DCC: variants seen among roughly 807,000 people sequenced by gnomAD.
The protein encoded by DCC is DCC netrin 1 receptor.
A neutral mutation model predicts 172.5 loss-of-function variants in DCC; 58 were observed. The observed-to-expected ratio is 0.34, with a 90% CI of 0.27 to 0.42. The LOEUF (loss-of-function observed/expected upper bound fraction) is 0.42. Ranked by LOEUF, DCC falls within the 10% of genes least tolerant of loss-of-function variation. DCC has a pLI of 1.00. For missense variants in DCC, 1,740 were observed against 1,791.0 expected (o/e 0.97, Z 0.51); for synonymous variants, 709 against 644.5 (o/e 1.10, Z -1.52).
chr18:52,462,393 T>C (rs1474564209), intron 1 of DCC, among the ~76,000 whole-genome samples: 1 of 152,080 alleles, frequency 6.6e-6, no homozygotes, highest in East Asian at 1.9e-4. Context: ...CCATTTTATC[T>C]CCCAGCCCAC....
chr18:52,741,858 G>T (rs971154258), intron 1 of DCC, among the ~76,000 whole-genome samples: 1 of 152,114 alleles, frequency 6.6e-6, no homozygotes, highest in East Asian at 1.9e-4. Flanking sequence ...GTGATGAACT[G>T]AGGGTTTGCA....
At chr18:53,476,458 C>G (rs1281096278) in intron 25 of DCC, among the ~76,000 whole-genome samples, 2 of 152,122 alleles carry the variant, frequency 1.3e-5, no homozygotes, top group Admixed American at 1.3e-4. Context: ...GTGAATAAGT[C>G]TGACAAGATC....
At chr18:52,603,020 G>T (rs988641640) in intron 1 of DCC, among the ~76,000 whole-genome samples, 1 of 152,022 alleles carries the variant, frequency 6.6e-6, no homozygotes, top group Non-Finnish European at 1.5e-5. Flanking sequence ...AGTATCTAAT[G>T]GCCTTTCCTT....
At chr18:52,769,225 T>C (rs968093626) in intron 2 of DCC, among the ~76,000 whole-genome samples, 3 of 152,250 alleles carry the variant, frequency 2.0e-5, no homozygotes, top group Non-Finnish European at 4.4e-5. Context: ...TTGCTCCACA[T>C]AACCTTCATC....
intron 5 of DCC, among the ~76,000 whole-genome samples, chr18:52,933,285 C>T (rs1034141284): frequency 2.0e-5 from 3 of 151,956 alleles, no homozygotes; most frequent in Non-Finnish European, 2.9e-5. Context: ...CAGATCCAAG[C>T]CTCAAGGATA....
At chr18:52,775,852 C>T (rs892291174) in intron 2 of DCC, among the ~76,000 whole-genome samples, 4 of 152,216 alleles carry the variant, frequency 2.6e-5, no homozygotes, top group South Asian at 2.1e-4. Context: ...TAGGAGTGCT[C>T]ATGCTCACCT....
chr18:52,600,614 C>A (rs1190903788), intron 1 of DCC, among the ~76,000 whole-genome samples: 1 of 152,176 alleles, frequency 6.6e-6, no homozygotes, highest in Non-Finnish European at 1.5e-5. Context: ...TTACCATTGA[C>A]TCTTTTTATA....
chr18:53,193,762 C>T (rs1333938529), intron 9 of DCC, among the ~76,000 whole-genome samples: 1 of 152,138 alleles, frequency 6.6e-6, no homozygotes, highest in Non-Finnish European at 1.5e-5. Context: ...CCAAAAGAGC[C>T]AGTTTACTCA....
intron 1 of DCC, among the ~76,000 whole-genome samples, chr18:52,415,778 A>G (rs75536019): frequency 1.3e-4 from 20 of 152,098 alleles, no homozygotes; most frequent in Admixed American, 3.3e-4. Flanking sequence ...TTCTTTATTA[A>G]TCTTGCTAGT....
chr18:53,113,286 C>A (rs1465170923), intron 7 of DCC, among the ~76,000 whole-genome samples: 1 of 151,304 alleles, frequency 6.6e-6, no homozygotes, highest in Non-Finnish European at 1.5e-5. Flanking sequence ...AACTATAGAA[C>A]ACGTAAGATT....
At chr18:52,404,980 A>G (rs1986585521) in intron 1 of DCC, among the ~76,000 whole-genome samples, 2 of 151,800 alleles carry the variant, frequency 1.3e-5, no homozygotes, top group African/African-American at 4.8e-5. Context: ...TGTCCCTACA[A>G]AGGACATGAG....
At chr18:52,344,422 T>C (rs1192407738) in intron 1 of DCC, among the ~76,000 whole-genome samples, 1 of 152,208 alleles carries the variant, frequency 6.6e-6, no homozygotes, top group Non-Finnish European at 1.5e-5. Context: ...AAAGGAATTC[T>C]AGCAACTCAG....
chr18:53,047,527 T>C (rs2042272595), intron 5 of DCC, among the ~76,000 whole-genome samples: 1 of 139,920 alleles, frequency 7.1e-6, no homozygotes, highest in African/African-American at 2.7e-5. Flanking sequence ...CTTGCGTGTC[T>C]GGAAATACAT....
chr18:52,348,988 A>G (rs986942552), intron 1 of DCC, among the ~76,000 whole-genome samples: 4 of 152,220 alleles, frequency 2.6e-5, no homozygotes, highest in African/African-American at 4.8e-5. Flanking sequence ...TCCCCTGAAT[A>G]TAATGGAACT....
At chr18:53,241,311 GAC>G (rs1317078474) in intron 12 of DCC, among the ~76,000 whole-genome samples, 3 of 152,154 alleles carry the variant, frequency 2.0e-5, no homozygotes, top group Non-Finnish European at 4.4e-5. Context: ...AGATGAAAGT[GAC>G]AGTCAAGCCT....
chr18:52,991,297 G>A (rs2041387328), intron 5 of DCC, among the ~76,000 whole-genome samples: 1 of 151,956 alleles, frequency 6.6e-6, no homozygotes, highest in Non-Finnish European at 1.5e-5. Flanking sequence ...CATCTATTTA[G>A]CAGTCTGCAA....
intron 1 of DCC, among the ~76,000 whole-genome samples, chr18:52,413,244 T>C (rs933119349): frequency 6.6e-6 from 1 of 151,486 alleles, no homozygotes; most frequent in Non-Finnish European, 1.5e-5. Flanking sequence ...CTAAAAATTA[T>C]GCAAACCTCA....
chr18:52,625,123 C>A (rs1027777052), intron 1 of DCC, among the ~76,000 whole-genome samples: 35 of 152,056 alleles, frequency 2.3e-4, no homozygotes, highest in African/African-American at 8.2e-4. Flanking sequence ...CTAAACATAT[C>A]TAAACATAGA....
chr18:52,691,357 G>A (rs1402732277), intron 1 of DCC, among the ~76,000 whole-genome samples: 1 of 152,046 alleles, frequency 6.6e-6, no homozygotes, highest in Non-Finnish European at 1.5e-5. Flanking sequence ...TCCTAGGGTA[G>A]CAAAATACCA....
Sources: gnomAD v4.1 joint callset for allele counts (sites outside exome capture counted in the v4.1 genomes callset) on GRCh38, gnomAD v4.1.1 for gene constraint, MANE v1.5 for transcripts, NCBI Gene and HGNC (gene_info 2026-07-23, HGNC 2026-07-21) for gene names.